PC: variants seen among roughly 807,000 people sequenced by gnomAD.
PC encodes the protein pyruvate carboxylase, mitochondrial.
A neutral mutation model predicts 107.8 loss-of-function variants in PC; 46 were observed. That is an observed-to-expected ratio of 0.43 (90% CI 0.34 to 0.55). PC has a LOEUF of 0.55. PC is among the 20% of genes least tolerant of loss of function. The probability of loss-of-function intolerance (pLI) is 0.04; values close to 1 mark genes in which losing one functional copy is unlikely to be tolerated. For synonymous variants in PC, 662 were observed against 684.7 expected (o/e 0.97, Z 0.52); for missense variants, 1,241 against 1,643.1 (o/e 0.76, Z 4.23).
intron 3 of PC, among the ~76,000 whole-genome samples, chr11:66,919,173 C>T (rs574475772): frequency 6.6e-6 from 1 of 152,136 alleles, no homozygotes; most frequent in Admixed American, 6.5e-5. Context: ...CCCGGCACTT[C>T]GGGAGGCCAA....
chr11:66,924,867 G>A (rs1948676878), intron 3 of PC, among the ~76,000 whole-genome samples: 1 of 152,178 alleles, frequency 6.6e-6, no homozygotes, highest in African/African-American at 2.4e-5. Context: ...AGTCAGGTAG[G>A]TTCTTTTCTA....
At chr11:66,860,560 G>T in intron 12 of PC, 1 of 701,636 alleles carries the variant, frequency 1.4e-6, no homozygotes, top group East Asian at 2.7e-5. Context: ...GACAAGGGTG[G>T]GGCTACCAGG....
intron 3 of PC, among the ~76,000 whole-genome samples, chr11:66,890,806 G>A (rs913845492): frequency 1.3e-5 from 2 of 151,484 alleles, no homozygotes; most frequent in Non-Finnish European, 2.9e-5. Flanking sequence ...CCCCCGCCGC[G>A]GTTGTTTCCA....
In PC at chr11:66,945,421, G is replaced by GC. The variant is rs1366347686; in HGVS notation, c.-1+7008_-1+7009insG. Among the ~76,000 whole-genome samples, 3 of 97,552 alleles carry GC rather than the reference G, an allele frequency of 3.1e-5. 1 individual carries two copies. Among genetic ancestry groups the GC allele is most frequent in the Non-Finnish European group, 6.4e-5 (3 of 46,666 alleles). The allele number at this position is 97,552 out of a possible 152,430, so 64.0% of individuals were successfully genotyped here. A position where few individuals can be genotyped will look rare whatever the true frequency, so the allele number is the denominator to read the frequency against. ...GATTAACTGAATTCAAATGGTTTGG[G>GC]GGGGCGGGTCGGAACTGCAGAGTTA... On this transcript the variant is annotated intron_variant, in intron 3 of 22. Coordinates refer to ENST00000393960, the MANE Select transcript of PC (RefSeq NM_001040716.2).
intron 12 of PC, among the ~76,000 whole-genome samples, chr11:66,854,418 G>A (rs757207229): frequency 7.9e-5 from 12 of 152,172 alleles, no homozygotes; most frequent in Non-Finnish European, 1.5e-4. Flanking sequence ...CTGCTTGTCT[G>A]CCTGGGAACC....
At chr11:66,939,516 C>T (rs532711165) in intron 3 of PC, among the ~76,000 whole-genome samples, 232 of 152,236 alleles carry the variant, frequency 1.5e-3, no homozygotes, top group South Asian at 5.4e-3. Context: ...CTTAAAACTC[C>T]TGCAGAGGCT....
At position 66,851,035 on chromosome 11, in the gene PC, G is replaced by C; in HGVS notation, c.2223+5C>G. 1.2e-6 allele frequency: 2 copies of C among 1,612,610 alleles called. No homozygotes were observed. Among genetic ancestry groups the C allele is most frequent in the Non-Finnish European group, 1.7e-6 (2 of 1,179,960 alleles). On this transcript the variant is annotated splice_donor_5th_base_variant and intron_variant, in intron 17 of 22. Transcript: ENST00000393960. ...GAGGGAGGGACGGACAAGTGGCCCA[G>C]GCACCTTGATGCACAGGATGTGGGT...
At chr11:66,882,543 T>G (rs1947220936) in intron 3 of PC, among the ~76,000 whole-genome samples, 1 of 152,056 alleles carries the variant, frequency 6.6e-6, no homozygotes, top group Admixed American at 6.5e-5. Context: ...AAGAAAGAAG[T>G]GTGGTTCAGA....
intron 3 of PC, among the ~76,000 whole-genome samples, chr11:66,916,956 A>T (rs571007708): frequency 2.6e-5 from 4 of 151,226 alleles, no homozygotes; most frequent in African/African-American, 9.7e-5. Context: ...TCTGTCTCAA[A>T]AAAATAAAAT....
rs1376257395 is a variant in PC, at chr11:66,857,812, G to A, written c.1369-4429C>T. On this transcript the variant is annotated intron_variant, in intron 12 of 22. Transcript: ENST00000393960. The surrounding 1 kb of genome is among the most constrained non-coding windows in gnomAD (Gnocchi z 7.1). Reference sequence around the variant, plus strand: ...GCCGCCTGCCCGCTGCCCTGCGTCTGCCAGAACCTGTCCGAGTCGCTCAGC... The same window carrying A: ...GCCGCCTGCCCGCTGCCCTGCGTCTACCAGAACCTGTCCGAGTCGCTCAGC... The A allele has an allele frequency of 6.2e-7, 1 of 1,602,324 alleles. No individual in the cohort carries two copies.
intron 3 of PC, among the ~76,000 whole-genome samples, chr11:66,886,250 C>T (rs1252103454): frequency 6.7e-6 from 1 of 150,104 alleles, no homozygotes; most frequent in Non-Finnish European, 1.5e-5. Flanking sequence ...GCTGGGGCGG[C>T]TGGAGCAAAG....
chr11:66,889,251 G>A (rs1947478234), intron 3 of PC, among the ~76,000 whole-genome samples: 1 of 152,034 alleles, frequency 6.6e-6, no homozygotes, highest in African/African-American at 2.4e-5. Flanking sequence ...ACAGAGCAAT[G>A]CCGTGGGGAA....
At chr11:66,932,225 A>AC (rs1049082871) in intron 3 of PC, among the ~76,000 whole-genome samples, 2 of 151,692 alleles carry the variant, frequency 1.3e-5, no homozygotes, top group African/African-American at 4.8e-5. Flanking sequence ...TAAACTGAAT[A>AC]CCTTTTTTTT....
At chr11:66,957,174 TG>T (rs1949582574) in intron 1 of PC, among the ~76,000 whole-genome samples, 2 of 152,120 alleles carry the variant, frequency 1.3e-5, no homozygotes, top group South Asian at 4.1e-4. Context: ...ATGGTGGCAG[TG>T]GGTACGGGAG....
chr11:66,899,628 A>G (rs1406736630), intron 3 of PC, among the ~76,000 whole-genome samples: 1 of 152,056 alleles, frequency 6.6e-6, no homozygotes, highest in Non-Finnish European at 1.5e-5. Flanking sequence ...GAGCCACCGT[A>G]CCCAGCCAAG....
chr11:66,958,270 C>G (rs1220585399), intron 1 of PC, 52 bp downstream of exon 1: 10 of 152,250 alleles, frequency 6.6e-5, no homozygotes, highest in South Asian at 2.1e-4. Context: ...CACGTCCACC[C>G]GCTCCGACCC....
intron 3 of PC, among the ~76,000 whole-genome samples, chr11:66,885,444 TG>T (rs1295772836): frequency 7.1e-6 from 1 of 141,660 alleles, no homozygotes; most frequent in Admixed American, 7.6e-5. Context: ...TGAGCCGAGA[TG>T]GCGCCATTGC....
chr11:66,897,368 C>T (rs1947796735), intron 3 of PC, among the ~76,000 whole-genome samples: 1 of 152,126 alleles, frequency 6.6e-6, no homozygotes, highest in African/African-American at 2.4e-5. Context: ...GCCAAGAGTT[C>T]GTCACCAGTC....
At chr11:66,928,016 A>T (rs140252767) in intron 3 of PC, among the ~76,000 whole-genome samples, 29 of 152,284 alleles carry the variant, frequency 1.9e-4, no homozygotes, top group African/African-American at 7.0e-4. Context: ...ACAGACATGA[A>T]GCCACAAAGG....
Sources: allele counts gnomAD v4.1 joint callset (sites outside exome capture counted in the v4.1 genomes callset), GRCh38; gene constraint gnomAD v4.1.1; non-coding constraint Gnocchi (gnomAD v3.1); transcripts MANE v1.5; gene names NCBI Gene and HGNC (gene_info 2026-07-23, HGNC 2026-07-21).